The following SGCD variants were observed in gnomAD, a reference collection of about 807,000 sequenced individuals.
SGCD encodes the protein delta-sarcoglycan.
Under a neutral mutation model 36.6 loss-of-function variants are expected in SGCD, and 18 were observed. That is an observed-to-expected ratio of 0.49 (90% confidence interval 0.34 to 0.73). The LOEUF (loss-of-function observed/expected upper bound fraction) is 0.73. Among genes scored for constraint, SGCD ranks in the 30% least tolerant of loss-of-function variants. The pLI, the probability that SGCD is intolerant of heterozygous loss-of-function variation, is 0.01. For synonymous variants in SGCD, 133 were observed against 130.6 expected (o/e 1.02, Z -0.12); for missense variants, 387 against 346.7 (o/e 1.12, Z -0.92).
chr5:156,648,377 A>G (rs1030188646), intron 7 of SGCD, among the ~76,000 whole-genome samples: 8 of 151,944 alleles, frequency 5.3e-5, no homozygotes, highest in African/African-American at 1.5e-4. Flanking sequence ...ATGTACTTGC[A>G]TTGCACAAAT....
chr5:156,307,185 G>A (rs756167231), intron 3 of SGCD, among the ~76,000 whole-genome samples: 13 of 151,950 alleles, frequency 8.6e-5, no homozygotes, highest in Non-Finnish European at 1.5e-4. Flanking sequence ...GGGACTATAA[G>A]TGTGCACCAA....
At chr5:156,561,268 C>T (rs545390207) in intron 4 of SGCD, among the ~76,000 whole-genome samples, 1 of 152,152 alleles carries the variant, frequency 6.6e-6, no homozygotes, top group South Asian at 2.1e-4. Flanking sequence ...AGAGTAGATG[C>T]CCTCTGAGGA....
At chr5:156,436,780 A>T (rs1470333828) in intron 3 of SGCD, among the ~76,000 whole-genome samples, 2 of 152,154 alleles carry the variant, frequency 1.3e-5, no homozygotes, top group Non-Finnish European at 2.9e-5. Flanking sequence ...TTTTATAAAG[A>T]TTTAGAAACA....
At chr5:156,045,097 T>C (rs892220111) in intron 1 of SGCD, among the ~76,000 whole-genome samples, 2 of 152,126 alleles carry the variant, frequency 1.3e-5, no homozygotes, top group African/African-American at 2.4e-5. Flanking sequence ...AGAAAGAGAA[T>C]TGGGGACATT....
intron 1 of SGCD, among the ~76,000 whole-genome samples, chr5:155,991,892 C>T (rs1758439435): frequency 6.6e-6 from 1 of 152,142 alleles, no homozygotes; most frequent in Admixed American, 6.5e-5. Flanking sequence ...TCAAACTTGC[C>T]AAAGGCGATA....
At chr5:156,697,278 A>G (rs1035901210) in intron 7 of SGCD, among the ~76,000 whole-genome samples, 1 of 152,168 alleles carries the variant, frequency 6.6e-6, no homozygotes, top group Admixed American at 6.5e-5. Flanking sequence ...CTTCAGAAAC[A>G]GTATTTAGCA....
chr5:156,192,928 G>A (rs1025078500), intron 3 of SGCD, among the ~76,000 whole-genome samples: 1 of 135,802 alleles, frequency 7.4e-6, no homozygotes, highest in Non-Finnish European at 1.6e-5. Context: ...CATTGTAAAA[G>A]CAACAGTAGA....
At chr5:155,894,725 C>G (rs146564028) in intron 1 of SGCD, among the ~76,000 whole-genome samples, 1 of 152,140 alleles carries the variant, frequency 6.6e-6, no homozygotes, top group African/African-American at 2.4e-5. Context: ...GAGACTCTAA[C>G]GCCTGATGAT....
intron 3 of SGCD, among the ~76,000 whole-genome samples, chr5:156,374,177 C>T (rs1441572116): frequency 6.6e-6 from 1 of 151,728 alleles, no homozygotes; most frequent in Non-Finnish European, 1.5e-5. Flanking sequence ...ATGGCAATAT[C>T]CTTAGTGTTA....
intron 3 of SGCD, among the ~76,000 whole-genome samples, chr5:156,247,291 C>T (rs542788159): frequency 1.1e-3 from 167 of 152,264 alleles, no homozygotes; most frequent in African/African-American, 3.7e-3. Context: ...TTTTTTGAAA[C>T]TCATGATGAG....
At chr5:156,259,881 G>T (rs1765812068) in intron 3 of SGCD, among the ~76,000 whole-genome samples, 2 of 152,138 alleles carry the variant, frequency 1.3e-5, no homozygotes, top group Admixed American at 6.6e-5. Context: ...TTATGAGGTT[G>T]CAAAAAGGCA....
At chr5:156,505,857 G>T (rs1428532576) in intron 3 of SGCD, among the ~76,000 whole-genome samples, 1 of 151,764 alleles carries the variant, frequency 6.6e-6, no homozygotes, top group East Asian at 1.9e-4. Context: ...ATAGAAATTT[G>T]ACTTCTTTGA....
At chr5:155,833,828 A>G in the SGCD span, among the ~76,000 whole-genome samples, 1 of 152,210 alleles carries the variant, frequency 6.6e-6, no homozygotes, top group Non-Finnish European at 1.5e-5. Flanking sequence ...TCTCTTTCTA[A>G]TAATTTTAGA....
intron 3 of SGCD, among the ~76,000 whole-genome samples, chr5:156,257,045 T>C (rs1241745897): frequency 6.6e-6 from 1 of 151,942 alleles, no homozygotes; most frequent in Non-Finnish European, 1.5e-5. Context: ...CCAGGCATGG[T>C]GGCATGTTCC....
chr5:155,933,991 G>A (rs755580871), intron 1 of SGCD, among the ~76,000 whole-genome samples: 19 of 152,150 alleles, frequency 1.2e-4, no homozygotes, highest in Non-Finnish European at 2.2e-4. Context: ...TGGAACATTA[G>A]GACACTGCCA....
chr5:156,340,361 C>T (rs377351929), intron 2 of SGCD, among the ~76,000 whole-genome samples: 20 of 152,314 alleles, frequency 1.3e-4, no homozygotes, highest in African/African-American at 4.1e-4. Flanking sequence ...TATATCGCAT[C>T]GTGTCCTTTG....
chr5:155,985,627 A>T (rs1437323837), intron 1 of SGCD, among the ~76,000 whole-genome samples: 1 of 152,136 alleles, frequency 6.6e-6, no homozygotes, highest in Non-Finnish European at 1.5e-5. Context: ...TAAGGAAGAG[A>T]ATGGTAGAAT....
chr5:155,852,188 C>T, the SGCD span, among the ~76,000 whole-genome samples: 1 of 152,268 alleles, frequency 6.6e-6, no homozygotes, highest in East Asian at 1.9e-4. Context: ...TCTCCTTCCA[C>T]CTAAAAAATA....
At chr5:156,400,899 G>A (rs1450906001) in intron 3 of SGCD, among the ~76,000 whole-genome samples, 1 of 152,188 alleles carries the variant, frequency 6.6e-6, no homozygotes, top group African/African-American at 2.4e-5. Context: ...ATGAAGAACT[G>A]CATTTGGCTC....
Sources: gnomAD v4.1 joint callset for allele counts (sites outside exome capture counted in the v4.1 genomes callset) on GRCh38, gnomAD v4.1.1 for gene constraint, MANE v1.5 for transcripts, NCBI Gene and HGNC (gene_info 2026-07-23, HGNC 2026-07-21) for gene names.